Variants in TJP1 observed in about 807,000 individuals in gnomAD.
The protein encoded by TJP1 is tight junction protein 1.
In TJP1, 43 loss-of-function variants were observed where a neutral mutation model predicts 194.2. The observed-to-expected ratio is 0.22, with a 90% confidence interval of 0.17 to 0.29. The LOEUF (loss-of-function observed/expected upper bound fraction) is 0.29. Ranked by LOEUF, TJP1 falls within the 10% of genes least tolerant of loss-of-function variation. The pLI, the probability that TJP1 is intolerant of heterozygous loss-of-function variation, is 1.00. For synonymous variants in TJP1, 801 were observed against 779.0 expected (o/e 1.03, Z -0.47); for missense variants, 1,971 against 2,185.7 (o/e 0.90, Z 1.96).
At chr15:29,713,205 T>A (rs1255693699) in intron 23 of TJP1, among the ~76,000 whole-genome samples, 2 of 152,252 alleles carry the variant, frequency 1.3e-5, no homozygotes, top group Admixed American at 6.5e-5. Flanking sequence ...AAGGTAGATT[T>A]GATAACAAAA....
intron 2 of TJP1, among the ~76,000 whole-genome samples, chr15:29,913,440 T>C (rs764862544): frequency 1.3e-5 from 2 of 152,192 alleles, no homozygotes; most frequent in Non-Finnish European, 2.9e-5. Context: ...GTTGCAATAT[T>C]GTGTATGTGC....
intron 2 of TJP1, among the ~76,000 whole-genome samples, chr15:29,785,958 AAGAG>A (rs1165502667): frequency 6.6e-6 from 1 of 152,200 alleles, no homozygotes; most frequent in Non-Finnish European, 1.5e-5. Context: ...TCATCTGAAT[AAGAG>A]AGATTTTAAT....
chr15:29,909,252 C>G (rs533770206), intron 2 of TJP1, among the ~76,000 whole-genome samples: 1 of 147,076 alleles, frequency 6.8e-6, no homozygotes, highest in African/African-American at 2.5e-5. Flanking sequence ...GCAGGAGAAT[C>G]GCTTGAACCC....
rs150029756 is a variant in TJP1 at position 29,793,346 on chromosome 15, T to C, written c.84+7300A>G. Among the ~76,000 whole-genome samples the C allele has an allele frequency of 4.2e-3, 641 of 152,360 alleles. 4 individuals are homozygous for C. The highest frequency in any genetic ancestry group is 0.015 in the African/African-American group (613 of 41,586). On this transcript the variant is annotated intron_variant, in intron 2 of 27. Coordinates refer to ENST00000614355, the MANE Select transcript of TJP1 (RefSeq NM_001330239.4). ...TTACTGAATACTTTTTTGGCATCTA[T>C]AGAAATGGACATATGGTTATGTCCT...
intron 8 of TJP1, among the ~76,000 whole-genome samples, chr15:29,748,982 T>C (rs2045045993): frequency 6.6e-6 from 1 of 150,892 alleles, no homozygotes; most frequent in African/African-American, 2.4e-5. Context: ...GCGTTTGCTA[T>C]TATGAGGAAA....
At chr15:29,794,756 T>G (rs1369775118) in intron 2 of TJP1, among the ~76,000 whole-genome samples, 1 of 152,180 alleles carries the variant, frequency 6.6e-6, no homozygotes, top group Admixed American at 6.5e-5. Context: ...AAAGATGTAA[T>G]GTGGTAATAG....
At chr15:29,952,243 G>A (rs1006338045) in intron 2 of TJP1, among the ~76,000 whole-genome samples, 2 of 152,166 alleles carry the variant, frequency 1.3e-5, no homozygotes, top group South Asian at 4.1e-4. Context: ...CACATACACA[G>A]AACAGAATTG....
chr15:29,802,557 G>C (rs980997474), intron 1 of TJP1, among the ~76,000 whole-genome samples: 2 of 149,366 alleles, frequency 1.3e-5, no homozygotes, highest in African/African-American at 4.9e-5. Context: ...ACCTCCACTG[G>C]AAACAAAGCT....
chr15:29,832,769 T>C (rs547927752), intron 2 of TJP1, among the ~76,000 whole-genome samples: 6 of 152,370 alleles, frequency 3.9e-5, no homozygotes, highest in African/African-American at 1.4e-4. Flanking sequence ...GAACTTTTTT[T>C]CCTTGGAAGA....
At chr15:29,931,806 C>T (rs2054723733) in intron 2 of TJP1, among the ~76,000 whole-genome samples, 1 of 152,204 alleles carries the variant, frequency 6.6e-6, no homozygotes. Context: ...AAAAGAACGG[C>T]TACTCTATAG....
intron 2 of TJP1, among the ~76,000 whole-genome samples, chr15:29,790,126 G>A (rs982250838): frequency 1.3e-5 from 2 of 152,164 alleles, no homozygotes; most frequent in Non-Finnish European, 2.9e-5. Flanking sequence ...TCTACAATAC[G>A]GCTGCAGGGT....
chr15:29,902,135 T>A (rs1327785795), intron 2 of TJP1, among the ~76,000 whole-genome samples: 10 of 152,250 alleles, frequency 6.6e-5, no homozygotes, highest in Non-Finnish European at 1.5e-4. Flanking sequence ...TATCATATTT[T>A]ATTCTTTAAT....
At chr15:29,703,658 T>G (rs1290287676) in intron 27 of TJP1, among the ~76,000 whole-genome samples, 2 of 151,986 alleles carry the variant, frequency 1.3e-5, no homozygotes, top group Non-Finnish European at 2.9e-5. Context: ...AAAAAAAATT[T>G]TTTTGAGACG....
At position 29,832,380 on chromosome 15, in the gene TJP1, G is replaced by A. The variant is rs1233745024; in HGVS notation, c.307-31678C>T. On this transcript the variant is annotated intron_variant, in intron 2 of 28. Transcript: ENST00000356107. The stretch of plus-strand genomic sequence containing the variant: ...GCCAAGCCACAAACTGACTGCATCT[G>A]CAGAGTCAGCCCAGGCAAGTCTAGC... Among the ~76,000 whole-genome samples, 5 of 152,194 alleles carry A rather than the reference G, an allele frequency of 3.3e-5. No individual in the cohort carries two copies. The South Asian group carries it at 8.3e-4, about 25-fold the overall frequency.
At chr15:29,751,976 G>A (rs1168356164) in intron 8 of TJP1, among the ~76,000 whole-genome samples, 3 of 152,086 alleles carry the variant, frequency 2.0e-5, no homozygotes, top group Admixed American at 6.6e-5. Context: ...CCAGGCTACA[G>A]TTCAGTGGCG....
chr15:29,735,545 C>T (rs1178156655), intron 11 of TJP1, among the ~76,000 whole-genome samples: 1 of 149,210 alleles, frequency 6.7e-6, no homozygotes, highest in African/African-American at 2.5e-5. Flanking sequence ...CGTGATCACA[C>T]CACTGCATTC....
chr15:29,903,100 C>G (rs537322455), intron 2 of TJP1, among the ~76,000 whole-genome samples: 30 of 152,058 alleles, frequency 2.0e-4, no homozygotes, highest in Non-Finnish European at 3.7e-4. Flanking sequence ...AGAAGGGGGC[C>G]CTTGCCAGGC....
chr15:29,718,566 A>T lies in TJP1; in HGVS notation c.3576T>A (p.Phe1192Leu). 3 of 1,614,134 alleles carry T rather than the reference A, an allele frequency of 1.9e-6. No homozygotes were observed. Among genetic ancestry groups the T allele is most frequent in the Non-Finnish European group, 1.7e-6 (2 of 1,180,020 alleles). The change falls in exon 21 of 28, where the codon TTT becomes TTA. Residue 1192 changes from phenylalanine to leucine, a missense_variant. Transcript: ENST00000614355. ...GPKPAESKQYFEQYSRSYEQV... is the reference protein window; with the variant it reads ...GPKPAESKQYLEQYSRSYEQV... The stretch of plus-strand genomic sequence containing the variant: ...GCTCGTAACTGCGTGAATATTGCTC[A>T]AAATACTGCTTGGACTCTGCAGGCT...
intron 2 of TJP1, among the ~76,000 whole-genome samples, chr15:29,934,251 C>G (rs2054813403): frequency 6.6e-6 from 1 of 152,182 alleles, no homozygotes; most frequent in South Asian, 2.1e-4. Flanking sequence ...TCTGTAGTAG[C>G]TAGTCAATAA....
Sources: gnomAD v4.1 joint callset for allele counts (sites outside exome capture counted in the v4.1 genomes callset) on GRCh38, gnomAD v4.1.1 for gene constraint, MANE v1.5 for transcripts, NCBI Gene and HGNC (gene_info 2026-07-23, HGNC 2026-07-21) for gene names.